KIF24: variants seen among roughly 807,000 people sequenced by gnomAD.
The protein encoded by KIF24 is kinesin-like protein KIF24.
Under a neutral mutation model 118.9 loss-of-function variants are expected in KIF24, and 81 were observed. The observed-to-expected ratio is 0.68, with a 90% CI of 0.57 to 0.82. The LOEUF is 0.82. Among genes scored for constraint, KIF24 ranks in the 40% least tolerant of loss-of-function variants. KIF24 has a pLI of 0.00. For missense variants in KIF24, 1,560 were observed against 1,661.6 expected, an observed-to-expected ratio of 0.94 and a Z score of 1.06; for synonymous variants, 599 against 610.0, an observed-to-expected ratio of 0.98 and a Z score of 0.27.
chr9:34,277,035 T>C (rs1246435506), intron 6 of KIF24, among the ~76,000 whole-genome samples: 2 of 152,234 alleles, frequency 1.3e-5, no homozygotes, highest in African/African-American at 2.4e-5. Context: ...TGGATCATCA[T>C]AGATTGGTAT....
rs548261411 is a variant in KIF24 at position 34,264,572 on chromosome 9, A to G, written c.1444-1400T>C. ...GCCCGCAACTGCCCTACCTCTATCC[A>G]AGAAGCTGCAGGGTATAAACAGGTG... On this transcript the variant is annotated intron_variant, in intron 8 of 12. Coordinates refer to ENST00000402558, the MANE Select transcript of KIF24 (RefSeq NM_194313.4). Among the ~76,000 whole-genome samples, 17 of 152,200 alleles carry G rather than the reference A, an allele frequency of 1.1e-4. No homozygotes were observed. The South Asian group carries it at 3.3e-3, about 30-fold the overall frequency.
chr9:34,327,761 G>C (rs967000098), intron 1 of KIF24, among the ~76,000 whole-genome samples: 3 of 151,870 alleles, frequency 2.0e-5, no homozygotes, highest in African/African-American at 7.3e-5. Flanking sequence ...GCTAGATTCA[G>C]GCGTTCAAGG....
chr9:34,324,533 G>A lies in KIF24; in HGVS notation c.-26+4573C>T, dbSNP rs551918669. On this transcript the variant is annotated intron_variant, in intron 1 of 12. Coordinates refer to ENST00000402558, the MANE Select transcript of KIF24 (RefSeq NM_194313.4). ...CATATCTTCCACCTATTCATTACAC[G>A]TCTCATACCTGTTCTCCTGGCCTCC... is the stretch of plus-strand genomic sequence containing the variant. 1.9e-3 allele frequency among the ~76,000 whole-genome samples: 293 copies of A among 152,050 alleles called. 1 individual carries two copies. The highest frequency in any genetic ancestry group is 6.4e-3 in the African/African-American group (267 of 41,462).
At chr9:34,286,332 T>C (rs1836050013) in intron 6 of KIF24, among the ~76,000 whole-genome samples, 1 of 152,046 alleles carries the variant, frequency 6.6e-6, no homozygotes, top group Non-Finnish European at 1.5e-5. Flanking sequence ...AGACTCCATC[T>C]CAAAACAACA....
At chr9:34,321,633 G>A (rs187592324) in intron 1 of KIF24, among the ~76,000 whole-genome samples, 8 of 127,868 alleles carry the variant, frequency 6.3e-5, no homozygotes, top group Non-Finnish European at 7.9e-5. Flanking sequence ...TAGAGAAAGC[G>A]TCTCACTCTG....
intron 1 of KIF24, among the ~76,000 whole-genome samples, chr9:34,328,679 C>G (rs911327934): frequency 6.6e-6 from 1 of 152,172 alleles, no homozygotes; most frequent in Non-Finnish European, 1.5e-5. Context: ...TGAAAATCTA[C>G]TATGTGCAAG....
chr9:34,274,904 A>G (rs1030830936), intron 6 of KIF24, among the ~76,000 whole-genome samples: 2 of 150,578 alleles, frequency 1.3e-5, no homozygotes, highest in Non-Finnish European at 3.0e-5. Context: ...AGAAAGACAA[A>G]CATCACATGT....
chr9:34,306,338 T>C lies in KIF24; in HGVS notation c.727A>G (p.Ile243Val). The change falls in exon 3 of 13, where the codon ATT becomes GTT. Residue 243 changes from isoleucine to valine, a missense_variant. Transcript: ENST00000402558. ...LGMREVRRGE[I>V]NIITVEDKET... ...TTGTCTTCTACAGTAATAATATTAATTTCTCCACGACGTACCTCCCTCATG... is the reference window on the plus strand; with the variant it reads ...TTGTCTTCTACAGTAATAATATTAACTTCTCCACGACGTACCTCCCTCATG... The C allele has an allele frequency of 6.2e-7, 1 of 1,610,716 alleles. No homozygotes were observed. Among genetic ancestry groups the C allele is most frequent in the East Asian group, 2.2e-5 (1 of 44,872 alleles).
intron 10 of KIF24, among the ~76,000 whole-genome samples, chr9:34,259,072 T>C (rs1358292148): frequency 6.6e-6 from 1 of 152,160 alleles, no homozygotes; most frequent in Non-Finnish European, 1.5e-5. Flanking sequence ...GGCCAGGCAG[T>C]CAAGAGTTGC....
In KIF24 at chr9:34,256,529, A is replaced by C; in HGVS notation, c.3078T>G (p.Gly1026=). The change falls in exon 11 of 13, where the codon GGT becomes GGG. Residue 1026 remains glycine (G), a synonymous_variant. Coordinates refer to ENST00000402558, the MANE Select transcript of KIF24 (RefSeq NM_194313.4). ...TAGGATCCTCTCCTGGGACAGCATGACCGTTTTTCACAGTGCTGGTCACCT... is the reference window on the plus strand; with the variant it reads ...TAGGATCCTCTCCTGGGACAGCATGCCCGTTTTTCACAGTGCTGGTCACCT... ...PIQVTSTVKN[G]HAVPGEDPRG... 6.2e-7 allele frequency: 1 copy of C among 1,613,926 alleles called. No individual in the cohort carries two copies. Among genetic ancestry groups the C allele is most frequent in the Non-Finnish European group, 8.5e-7 (1 of 1,179,862 alleles).
At chr9:34,309,527 C>T (rs1376105584) in intron 2 of KIF24, among the ~76,000 whole-genome samples, 1 of 132,338 alleles carries the variant, frequency 7.6e-6, no homozygotes, top group Non-Finnish European at 1.5e-5. Context: ...GGCGACAGTG[C>T]GAGACTCCGT....
intron 1 of KIF24, among the ~76,000 whole-genome samples, chr9:34,324,821 C>T (rs1030775030): frequency 6.6e-6 from 1 of 152,166 alleles, no homozygotes; most frequent in African/African-American, 2.4e-5. Context: ...GTGGCCTCCT[C>T]CACTATCATC....
At chr9:34,326,265 T>C (rs1444587403) in intron 1 of KIF24, among the ~76,000 whole-genome samples, 1 of 152,048 alleles carries the variant, frequency 6.6e-6, no homozygotes, top group African/African-American at 2.4e-5. Context: ...GGTGGGAGGA[T>C]TGCTTGGGCC....
At chr9:34,282,665 C>T (rs1047567754) in intron 6 of KIF24, 9 of 151,696 alleles carry the variant, frequency 5.9e-5, no homozygotes, top group Admixed American at 2.6e-4. Context: ...AGAAAAGATA[C>T]TACACTTTCT....
Position 34,290,294 on chromosome 9 carries a change from G to T in KIF24, c.1007C>A (p.Ala336Asp). ...THENPGLYAL[A>D]AKDIFRQLEV... The stretch of plus-strand genomic sequence containing the variant: ...TAGTTGCCTGAAGATATCTTTGGCA[G>T]CTAGAGCATACAATCCTGGGTTCTC... The change falls in exon 5 of 13, where the codon GCT becomes GAT. Residue 336 changes from alanine to aspartate, a missense_variant. Transcript: ENST00000402558. The T allele has an allele frequency of 6.2e-7, 1 of 1,613,290 alleles. No homozygotes were observed. The highest frequency in any genetic ancestry group is 8.5e-7 in the Non-Finnish European group (1 of 1,179,222).
upstream of KIF24, among the ~76,000 whole-genome samples, chr9:34,333,670 A>G (rs935819676): frequency 5.8e-4 from 88 of 151,040 alleles, 1 homozygote; most frequent in East Asian, 0.015. Flanking sequence ...AAAAAAAAAA[A>G]AAGGACTGGG....
intron 8 of KIF24, among the ~76,000 whole-genome samples, chr9:34,266,880 A>T (rs1388447582): frequency 6.6e-6 from 1 of 152,140 alleles, no homozygotes; most frequent in Non-Finnish European, 1.5e-5. Context: ...AACAGCTCCT[A>T]TTGGCTAAAT....
intron 8 of KIF24, among the ~76,000 whole-genome samples, chr9:34,263,554 A>G (rs562523535): frequency 1.1e-4 from 17 of 152,224 alleles, no homozygotes; most frequent in Non-Finnish European, 2.1e-4. Context: ...GCACTTAAAC[A>G]GACAAAATAT....
Position 34,257,224 on chromosome 9 carries a change from G to T in KIF24, c.2383C>A (p.Pro795Thr), listed in dbSNP as rs1460576630. The change falls in exon 11 of 13, where the codon CCC becomes ACC. Residue 795 changes from proline (P) to threonine (T), a missense_variant. Pro to Thr is a conservative substitution (Grantham distance 38). Transcript: ENST00000402558. ...PLKRSLRQYRPPEGQLTNETP... is the reference protein window; with the variant it reads ...PLKRSLRQYRTPEGQLTNETP... ...TCATTCGTGAGCTGACCCTCTGGGG[G>T]CCTGTACTGGCGTAAAGACCTTTTC... The T allele has an allele frequency of 6.2e-7, 1 of 1,614,062 alleles. No individual in the cohort carries two copies. The highest frequency in any genetic ancestry group is 8.5e-7 in the Non-Finnish European group (1 of 1,179,906).
Sources: gnomAD v4.1 joint callset for allele counts (sites outside exome capture counted in the v4.1 genomes callset) on GRCh38, gnomAD v4.1.1 for gene constraint, MANE v1.5 for transcripts, NCBI Gene and HGNC (gene_info 2026-07-23, HGNC 2026-07-21) for gene names.